Variants in ROBO1 observed in about 807,000 individuals in gnomAD.
ROBO1 encodes the protein roundabout guidance receptor 1, also known as roundabout homolog 1.
Under a neutral mutation model 195.9 loss-of-function variants are expected in ROBO1, and 149 were observed. The observed-to-expected ratio is 0.76, with a 90% CI of 0.67 to 0.87. The LOEUF is 0.87. Among genes scored for constraint, ROBO1 ranks in the 40% least tolerant of loss-of-function variants. The probability of loss-of-function intolerance (pLI) is 0.00; values close to 1 mark genes in which losing one functional copy is unlikely to be tolerated. For synonymous variants in ROBO1, 816 were observed against 733.2 expected (o/e 1.11, Z -1.82); for missense variants, 1,933 against 2,068.3 (o/e 0.93, Z 1.27).
chr3:79,655,686 T>C (rs1946137413), intron 1 of ROBO1, among the ~76,000 whole-genome samples: 1 of 152,040 alleles, frequency 6.6e-6, no homozygotes, highest in Non-Finnish European at 1.5e-5. Context: ...ATTGGGAACC[T>C]AAAGATCTTT....
intron 4 of ROBO1, among the ~76,000 whole-genome samples, chr3:78,827,828 C>T (rs1226190234): frequency 6.6e-6 from 1 of 152,124 alleles, no homozygotes; most frequent in Non-Finnish European, 1.5e-5. Flanking sequence ...GGATGAGGCC[C>T]ACCCACAATT....
At chr3:78,682,708 T>A (rs1417908172) in intron 10 of ROBO1, among the ~76,000 whole-genome samples, 3 of 147,608 alleles carry the variant, frequency 2.0e-5, no homozygotes, top group African/African-American at 4.9e-5. Flanking sequence ...TATCAAAAAA[T>A]ATATATATAC....
At chr3:79,030,808 A>G (rs1283121844) in intron 3 of ROBO1, among the ~76,000 whole-genome samples, 2 of 151,972 alleles carry the variant, frequency 1.3e-5, no homozygotes, top group Non-Finnish European at 2.9e-5. Context: ...TGCAGCCTCC[A>G]CCTCCTGGGT....
At chr3:78,863,974 G>T (rs1200424062) in intron 4 of ROBO1, among the ~76,000 whole-genome samples, 1 of 152,166 alleles carries the variant, frequency 6.6e-6, no homozygotes, top group Non-Finnish European at 1.5e-5. Flanking sequence ...GCAACCTGTT[G>T]CCTGTAAAGT....
At chr3:79,765,648 T>A (rs888792710) in intron 1 of ROBO1, among the ~76,000 whole-genome samples, 1 of 151,998 alleles carries the variant, frequency 6.6e-6, no homozygotes, top group African/African-American at 2.4e-5. Flanking sequence ...GATTTTCAAC[T>A]TTTTTTTGTA....
At chr3:79,419,790 A>T (rs2038150881) in intron 2 of ROBO1, among the ~76,000 whole-genome samples, 1 of 152,140 alleles carries the variant, frequency 6.6e-6, no homozygotes, top group Admixed American at 6.6e-5. Context: ...TTTGAATATT[A>T]CTGATTTGGA....
At chr3:79,051,414 A>G (rs2078695688) in intron 3 of ROBO1, among the ~76,000 whole-genome samples, 2 of 152,330 alleles carry the variant, frequency 1.3e-5, no homozygotes, top group South Asian at 4.1e-4. Context: ...GGCAATAATT[A>G]ATAGCATACC....
At chr3:78,673,051 T>C (rs1391092089) in intron 10 of ROBO1, among the ~76,000 whole-genome samples, 2 of 152,144 alleles carry the variant, frequency 1.3e-5, no homozygotes, top group African/African-American at 2.4e-5. Context: ...GGATATGCAA[T>C]TGTATTTAAT....
intron 2 of ROBO1, among the ~76,000 whole-genome samples, chr3:79,193,056 T>A (rs1406232419): frequency 6.6e-6 from 1 of 151,676 alleles, no homozygotes; most frequent in Non-Finnish European, 1.5e-5. Flanking sequence ...GGCTTGCAGA[T>A]GTTGGTCGCC....
intron 3 of ROBO1, among the ~76,000 whole-genome samples, chr3:78,942,939 G>C (rs974235948): frequency 2.0e-5 from 3 of 151,380 alleles, no homozygotes; most frequent in Non-Finnish European, 2.9e-5. Context: ...TTTTTGCCGG[G>C]TGCGGTGGGT....
intron 1 of ROBO1, among the ~76,000 whole-genome samples, chr3:79,631,597 C>T (rs1029489966): frequency 2.0e-5 from 3 of 151,862 alleles, no homozygotes; most frequent in East Asian, 1.9e-4. Context: ...ATGACTTGGC[C>T]TCAAAGTCAA....
intron 2 of ROBO1, among the ~76,000 whole-genome samples, chr3:79,237,446 A>C (rs1369322887): frequency 4.0e-5 from 6 of 151,354 alleles, no homozygotes; most frequent in Non-Finnish European, 5.9e-5. Context: ...GCACCACTGC[A>C]CTCCAGCCTG....
intron 2 of ROBO1, among the ~76,000 whole-genome samples, chr3:79,193,911 GAA>G (rs1383028236): frequency 1.3e-5 from 2 of 151,482 alleles, no homozygotes; most frequent in East Asian, 3.9e-4. Context: ...CTTCAAAAGA[GAA>G]AAAGAGGTCA....
At chr3:79,145,021 A>C (rs1403837510) in intron 2 of ROBO1, among the ~76,000 whole-genome samples, 2 of 152,006 alleles carry the variant, frequency 1.3e-5, no homozygotes, top group Admixed American at 1.3e-4. Context: ...TTCTACAAAA[A>C]AGATTATTGC....
chr3:79,548,611 C>A (rs529863228), intron 2 of ROBO1, among the ~76,000 whole-genome samples: 1 of 152,080 alleles, frequency 6.6e-6, no homozygotes, highest in South Asian at 2.1e-4. Context: ...ATTTTCAGTT[C>A]ATAAAATATA....
intron 9 of ROBO1, among the ~76,000 whole-genome samples, chr3:78,687,979 A>C (rs2107836860): frequency 6.6e-6 from 1 of 152,284 alleles, no homozygotes; most frequent in South Asian, 2.1e-4. Context: ...ATGAGACAAA[A>C]ATATATTTTA....
chr3:78,932,264 C>T (rs1002954274), intron 4 of ROBO1, among the ~76,000 whole-genome samples: 4 of 152,166 alleles, frequency 2.6e-5, no homozygotes, highest in African/African-American at 9.7e-5. Context: ...TACAAGGAGA[C>T]ACTGCCAAGA....
At chr3:79,743,628 C>T (rs1244347093) in intron 1 of ROBO1, among the ~76,000 whole-genome samples, 1 of 152,138 alleles carries the variant, frequency 6.6e-6, no homozygotes, top group East Asian at 1.9e-4. Context: ...GAATATTTTA[C>T]TCTTTTGTAA....
At chr3:78,851,643 C>A (rs1434077207) in intron 4 of ROBO1, among the ~76,000 whole-genome samples, 1 of 151,976 alleles carries the variant, frequency 6.6e-6, no homozygotes, top group Non-Finnish European at 1.5e-5. Flanking sequence ...AGAAAGGGCA[C>A]CTGAAAGCAG....
Sources: allele counts gnomAD v4.1 joint callset (sites outside exome capture counted in the v4.1 genomes callset), GRCh38; gene constraint gnomAD v4.1.1; transcripts MANE v1.5; gene names NCBI Gene and HGNC (gene_info 2026-07-23, HGNC 2026-07-21).